SLC14A2: variants seen among roughly 807,000 people sequenced by gnomAD.
SLC14A2 encodes the protein solute carrier family 14 member 2, also known as urea transporter 2.
Under a neutral mutation model 104.6 loss-of-function variants are expected in SLC14A2, and 91 were observed. That is an observed-to-expected ratio of 0.87 (90% CI 0.73 to 1.04). The LOEUF (loss-of-function observed/expected upper bound fraction) is 1.04, where lower values mean the gene tolerates loss of function less well. Among genes scored for constraint, SLC14A2 ranks in the 50% least tolerant of loss-of-function variants. The pLI, the probability that SLC14A2 is intolerant of heterozygous loss-of-function variation, is 0.00. For synonymous variants in SLC14A2, 476 were observed against 466.4 expected (o/e 1.02, Z -0.27); for missense variants, 1,189 against 1,156.0 (o/e 1.03, Z -0.41).
intron 1 of SLC14A2, among the ~76,000 whole-genome samples, chr18:45,400,871 C>T (rs1029132283): frequency 1.3e-5 from 2 of 152,184 alleles, no homozygotes; most frequent in African/African-American, 2.4e-5. Flanking sequence ...GATGCTCGGA[C>T]GTGTCCTAGA....
At chr18:45,480,226 G>T (rs1423837056) in intron 1 of SLC14A2, among the ~76,000 whole-genome samples, 1 of 152,142 alleles carries the variant, frequency 6.6e-6, no homozygotes, top group Non-Finnish European at 1.5e-5. Context: ...CAAAAACTTT[G>T]CTACCTGTCC....
At chr18:45,235,667 G>A (rs542348299) in intron 1 of SLC14A2, among the ~76,000 whole-genome samples, 1 of 151,558 alleles carries the variant, frequency 6.6e-6, no homozygotes, top group South Asian at 2.1e-4. Context: ...GACTGAGAAC[G>A]TGTGATGTTT....
chr18:45,622,336 A>G (rs1020903358), intron 1 of SLC14A2, among the ~76,000 whole-genome samples: 2 of 152,200 alleles, frequency 1.3e-5, no homozygotes, highest in African/African-American at 4.8e-5. Context: ...AGTTTTCTGA[A>G]GGAATGGCTT....
At chr18:45,261,654 C>A (rs987280370) in intron 1 of SLC14A2, among the ~76,000 whole-genome samples, 1 of 151,758 alleles carries the variant, frequency 6.6e-6, no homozygotes. Context: ...TGAGAACATG[C>A]GGTGTTTGGT....
chr18:45,220,388 G>C (rs893281314), intron 1 of SLC14A2, among the ~76,000 whole-genome samples: 2 of 152,220 alleles, frequency 1.3e-5, no homozygotes, highest in Admixed American at 6.5e-5. Flanking sequence ...CTAAAAGTCA[G>C]TTTTGTCATT....
intron 1 of SLC14A2, among the ~76,000 whole-genome samples, chr18:45,338,486 C>T (rs544275131): frequency 7.4e-4 from 113 of 152,160 alleles, no homozygotes; most frequent in African/African-American, 2.7e-3. Context: ...CAGGTGTGAA[C>T]CACTGTGCCC....
At chr18:45,447,072 C>T (rs927553377) in intron 1 of SLC14A2, among the ~76,000 whole-genome samples, 4 of 152,054 alleles carry the variant, frequency 2.6e-5, no homozygotes, top group African/African-American at 9.7e-5. Context: ...GAGGCTGCTT[C>T]ATGTGCTTGT....
intron 2 of SLC14A2, among the ~76,000 whole-genome samples, chr18:45,508,818 C>CA (rs2043323326): frequency 6.6e-6 from 1 of 152,172 alleles, no homozygotes; most frequent in African/African-American, 2.4e-5. Context: ...CATGCACACA[C>CA]AAAAATGCCT....
intron 1 of SLC14A2, among the ~76,000 whole-genome samples, chr18:45,243,147 G>A (rs1301155687): frequency 6.6e-6 from 1 of 152,192 alleles, no homozygotes; most frequent in African/African-American, 2.4e-5. Flanking sequence ...TAATTACCCT[G>A]CAATGGATTC....
chr18:45,365,278 C>G (rs1018613892), intron 1 of SLC14A2, among the ~76,000 whole-genome samples: 2 of 152,232 alleles, frequency 1.3e-5, no homozygotes, highest in Non-Finnish European at 2.9e-5. Flanking sequence ...GATCATTCCT[C>G]CATAGTAATC....
chr18:45,442,914 A>C (rs1007668600), intron 1 of SLC14A2, among the ~76,000 whole-genome samples: 1 of 152,184 alleles, frequency 6.6e-6, no homozygotes, highest in African/African-American at 2.4e-5. Flanking sequence ...GTGTCTGTGC[A>C]TGGGGATTGG....
At chr18:45,292,584 C>A (rs568954277) in intron 1 of SLC14A2, among the ~76,000 whole-genome samples, 1 of 152,252 alleles carries the variant, frequency 6.6e-6, no homozygotes, top group Non-Finnish European at 1.5e-5. Context: ...TGTACCCAGA[C>A]CAGATGAATC....
In SLC14A2 at chr18:45,524,086, A is replaced by C. The variant is rs544036569; in HGVS notation, c.-35+40764A>C. Among the ~76,000 whole-genome samples, 4 of 152,260 alleles carry C rather than the reference A, an allele frequency of 2.6e-5. No individual in the cohort carries two copies. The South Asian group carries it at 8.3e-4, about 32-fold the overall frequency. ...ATACCTGTCTTTCCTGGCTATTGTA[A>C]GGATTGGCAGTAACAAGTATAAAGC... On this transcript the variant is annotated intron_variant, in intron 2 of 20. Transcript: ENST00000586448.
intron 1 of SLC14A2, among the ~76,000 whole-genome samples, chr18:45,434,492 C>T (rs911152695): frequency 6.6e-6 from 1 of 151,976 alleles, no homozygotes; most frequent in Non-Finnish European, 1.5e-5. Context: ...TTGTTGTTTG[C>T]ATGATTTTAA....
chr18:45,674,805 G>A (rs1417364550), intron 18 of SLC14A2, among the ~76,000 whole-genome samples: 3 of 152,188 alleles, frequency 2.0e-5, no homozygotes, highest in East Asian at 3.8e-4. Context: ...AGGGAGACAC[G>A]TGGGATGCAA....
chr18:45,509,104 C>A (rs1156588229), intron 2 of SLC14A2, among the ~76,000 whole-genome samples: 1 of 152,010 alleles, frequency 6.6e-6, no homozygotes, highest in Non-Finnish European at 1.5e-5. Context: ...TTGGAAGAGT[C>A]CAAGAAGTAG....
At chr18:45,349,018 T>C (rs1229719184) in intron 1 of SLC14A2, among the ~76,000 whole-genome samples, 1 of 152,248 alleles carries the variant, frequency 6.6e-6, no homozygotes, top group African/African-American at 2.4e-5. Context: ...AAACCCGTTG[T>C]TGACTCTGAG....
At chr18:45,412,719 T>C (rs1424114810) in intron 1 of SLC14A2, among the ~76,000 whole-genome samples, 1 of 152,200 alleles carries the variant, frequency 6.6e-6, no homozygotes, top group Non-Finnish European at 1.5e-5. Flanking sequence ...ACCCCTGAGA[T>C]GGTAGAAGAA....
intron 1 of SLC14A2, among the ~76,000 whole-genome samples, chr18:45,241,478 C>T (rs2084315044): frequency 6.6e-6 from 1 of 152,076 alleles, no homozygotes; most frequent in Non-Finnish European, 1.5e-5. Context: ...TTTCTATCTG[C>T]TTCCGCTTGG....
Sources: gnomAD v4.1 joint callset for allele counts (sites outside exome capture counted in the v4.1 genomes callset) on GRCh38, gnomAD v4.1.1 for gene constraint, MANE v1.5 for transcripts, NCBI Gene and HGNC (gene_info 2026-07-23, HGNC 2026-07-21) for gene names.